VPS8: variants seen among roughly 807,000 people sequenced by gnomAD.
The protein encoded by VPS8 is VPS8 subunit of CORVET complex, also known as vacuolar protein sorting-associated protein 8 homolog.
VPS8 carries 129 observed loss-of-function variants against 216.4 expected under a neutral mutation model. The observed-to-expected ratio is 0.60, with a 90% CI of 0.52 to 0.69. The LOEUF (loss-of-function observed/expected upper bound fraction) is 0.69, where lower values mean the gene tolerates loss of function less well. Among genes scored for constraint, VPS8 ranks in the 30% least tolerant of loss-of-function variants. The probability of loss-of-function intolerance (pLI) is 0.00; values close to 1 mark genes in which losing one functional copy is unlikely to be tolerated. For synonymous variants in VPS8, 571 were observed against 565.4 expected (o/e 1.01, Z -0.14); for missense variants, 1,531 against 1,683.5 (o/e 0.91, Z 1.59).
At chr3:185,030,434 GGCTGA>G (rs1757959379) in intron 46 of VPS8, among the ~76,000 whole-genome samples, 2 of 152,152 alleles carry the variant, frequency 1.3e-5, no homozygotes, top group East Asian at 3.9e-4. Flanking sequence ...CAGGTGCTCT[GGCTGA>G]AGACTATCCT....
Position 184,869,043 on chromosome 3 carries a change from A to G in VPS8, c.1597+7A>G, listed in dbSNP as rs199961244. 3.1e-5 allele frequency: 50 copies of G among 1,599,540 alleles called. No individual in the cohort carries two copies. The African/African-American group carries it at 6.7e-4, about 21-fold the overall frequency. On this transcript the variant is annotated splice_region_variant and intron_variant, in intron 19 of 47. Transcript: ENST00000625842. ...AAAGCAAAAGCAGTAGTGGGTGAGT[A>G]GGCAGAATTCCAGTGTAGTAGACGT... is the stretch of plus-strand genomic sequence containing the variant.
intron 8 of VPS8, among the ~76,000 whole-genome samples, chr3:184,844,960 T>TA (rs1722852319): frequency 6.6e-6 from 1 of 152,248 alleles, no homozygotes; most frequent in Non-Finnish European, 1.5e-5. Context: ...AGAAAGGTGA[T>TA]AGTCTCATTT....
chr3:184,969,421 C>G lies in VPS8; in HGVS notation c.3317-2228C>G, dbSNP rs1196265826. On this transcript the variant is annotated intron_variant, in intron 39 of 47. Coordinates refer to ENST00000625842, the MANE Select transcript of VPS8 (RefSeq NM_001009921.3). Reference sequence around the variant, plus strand: ...ATGAGCCACTGTACCCAGCCCCACCCCCCCCCCTTTTTTTTTTTTTTTTTT... The same window carrying G: ...ATGAGCCACTGTACCCAGCCCCACCGCCCCCCCTTTTTTTTTTTTTTTTTT... 1.5e-3 allele frequency among the ~76,000 whole-genome samples: 38 copies of G among 25,872 alleles called. 1 individual carries two copies. The highest frequency in any genetic ancestry group is 5.5e-3 in the African/African-American group (38 of 6,862). 17.0% of individuals were successfully genotyped at this position (25,872 alleles called of 152,430 possible). A position where few individuals can be genotyped will look rare whatever the true frequency, so the allele number is the denominator to read the frequency against.
intron 21 of VPS8, chr3:184,882,521 GT>G (rs1037901229): frequency 7.9e-5 from 26 of 328,548 alleles, no homozygotes; most frequent in Non-Finnish European, 1.1e-4. Flanking sequence ...TTGGTCTGTA[GT>G]TTTTTTTGTA....
At chr3:184,961,159 T>C (rs939425079) in intron 37 of VPS8, among the ~76,000 whole-genome samples, 4 of 152,238 alleles carry the variant, frequency 2.6e-5, no homozygotes, top group African/African-American at 9.6e-5. Context: ...TGAGTAAGTT[T>C]AGCACATTCA....
At chr3:184,929,396 C>T (rs1560728179) in intron 32 of VPS8, among the ~76,000 whole-genome samples, 184 bp from the exon 33 acceptor site, 3 of 152,050 alleles carry the variant, frequency 2.0e-5, no homozygotes, top group Non-Finnish European at 4.4e-5. Context: ...TGCTATGCTG[C>T]CCAGGCTGAT....
chr3:185,034,115 C>T (rs757149363), intron 46 of VPS8, among the ~76,000 whole-genome samples: 6 of 152,162 alleles, frequency 3.9e-5, no homozygotes, highest in Admixed American at 2.0e-4. Flanking sequence ...CGATGTTTAG[C>T]TCTCACTTAT....
At chr3:184,879,021 A>T (rs1729799573) in intron 21 of VPS8, among the ~76,000 whole-genome samples, 1 of 152,198 alleles carries the variant, frequency 6.6e-6, no homozygotes, top group African/African-American at 2.4e-5. Flanking sequence ...TTAGAATATA[A>T]ATTAAGAGAA....
At chr3:184,942,344 TAAGCTAACCCTAA>T in intron 36 of VPS8, among the ~76,000 whole-genome samples, 1 of 152,300 alleles carries the variant, frequency 6.6e-6, no homozygotes, top group Non-Finnish European at 1.5e-5. Context: ...TTTATTTCCC[TAAGCTAACCCTAA>T]CCAGGATAAT....
chr3:184,836,783 G>C (rs1197116062), intron 5 of VPS8, among the ~76,000 whole-genome samples: 5 of 152,282 alleles, frequency 3.3e-5, no homozygotes, highest in South Asian at 2.1e-4. Context: ...TATTAGGGCT[G>C]TTTGGGGCCT....
At chr3:184,891,193 A>G (rs1732275660) in intron 22 of VPS8, among the ~76,000 whole-genome samples, 1 of 152,170 alleles carries the variant, frequency 6.6e-6, no homozygotes, top group African/African-American at 2.4e-5. Flanking sequence ...TGTAAGGAAT[A>G]TCCACAGTTG....
chr3:184,888,049 G>A (rs981846763), intron 22 of VPS8, among the ~76,000 whole-genome samples: 4 of 150,944 alleles, frequency 2.6e-5, no homozygotes, highest in Admixed American at 6.6e-5. Flanking sequence ...GTGCAGTGGC[G>A]TGATCTCAGC....
chr3:184,924,825 A>G (rs762294093), intron 29 of VPS8, 37 bp from the exon 30 acceptor site: 1 of 1,575,482 alleles, frequency 6.3e-7, no homozygotes, highest in Admixed American at 1.9e-5. Context: ...ATCAAACCAA[A>G]TGGTGTATTG....
intron 19 of VPS8, among the ~76,000 whole-genome samples, 189 bp from the exon 20 acceptor site, chr3:184,869,293 T>C (rs965792582): frequency 2.0e-5 from 3 of 152,218 alleles, no homozygotes; most frequent in African/African-American, 7.2e-5. Context: ...AGAAGTACAT[T>C]GATATGCTAT....
intron 21 of VPS8, among the ~76,000 whole-genome samples, chr3:184,872,631 G>A (rs1728548650): frequency 6.6e-6 from 1 of 152,076 alleles, no homozygotes; most frequent in South Asian, 2.1e-4. Context: ...AACAATGGAG[G>A]GGACTATTTC....
chr3:184,944,291 G>A (rs1284149476), intron 36 of VPS8, among the ~76,000 whole-genome samples: 3 of 152,170 alleles, frequency 2.0e-5, no homozygotes, highest in Non-Finnish European at 2.9e-5. Context: ...GTAGTTTTAG[G>A]GGGAGAGGGG....
intron 5 of VPS8, chr3:184,836,308 C>T (rs73051353): frequency 1.3e-4 from 61 of 456,646 alleles, no homozygotes; most frequent in African/African-American, 1.2e-3. Flanking sequence ...ATTTCCATGA[C>T]GTTTTCTGAA....
At chr3:184,854,339 A>G (rs1724846474) in intron 13 of VPS8, among the ~76,000 whole-genome samples, 166 bp downstream of exon 13, 1 of 152,184 alleles carries the variant, frequency 6.6e-6, no homozygotes, top group South Asian at 2.1e-4. Context: ...TGATCAAAGC[A>G]TCATAAAGCT....
chr3:184,938,704 T>C (rs766310003), intron 35 of VPS8, among the ~76,000 whole-genome samples: 4 of 149,348 alleles, frequency 2.7e-5, no homozygotes, highest in Non-Finnish European at 4.4e-5. Flanking sequence ...AGTAGGTGAA[T>C]ATAATGTCAT....
Sources: gnomAD v4.1 joint callset for allele counts (sites outside exome capture counted in the v4.1 genomes callset) on GRCh38, gnomAD v4.1.1 for gene constraint, MANE v1.5 for transcripts, NCBI Gene and HGNC (gene_info 2026-07-23, HGNC 2026-07-21) for gene names.